The following TPO variants were observed in gnomAD, a reference collection of about 807,000 sequenced individuals.
TPO encodes thyroid microsomal antigen.
Under a neutral mutation model 96.9 loss-of-function variants are expected in TPO, and 78 were observed. The observed-to-expected ratio is 0.81, with a 90% CI of 0.67 to 0.97. The LOEUF (loss-of-function observed/expected upper bound fraction) is 0.97. TPO is among the 50% of genes least tolerant of loss of function. TPO has a pLI of 0.00. For synonymous variants in TPO, 547 were observed against 538.0 expected (o/e 1.02, Z -0.23); for missense variants, 1,252 against 1,274.8 (o/e 0.98, Z 0.27).
chr2:1,457,698 G>A (rs536801053), intron 7 of TPO, among the ~76,000 whole-genome samples: 12 of 151,916 alleles, frequency 7.9e-5, no homozygotes, highest in Non-Finnish European at 1.8e-4. Context: ...GGGCAGATGT[G>A]TACATAGCAT....
intron 1 of TPO, among the ~76,000 whole-genome samples, chr2:1,408,031 A>G (rs1662272325): frequency 6.6e-6 from 1 of 152,250 alleles, no homozygotes. Flanking sequence ...GAATGGAACC[A>G]GGGATTCTTC....
chr2:1,515,399 G>A (rs1030536856), intron 14 of TPO, among the ~76,000 whole-genome samples: 1 of 152,232 alleles, frequency 6.6e-6, no homozygotes, highest in African/African-American at 2.4e-5. Flanking sequence ...AAGGTGGCAG[G>A]AAGGAGATCC....
chr2:1,449,144 AT>A (rs1667100933), intron 5 of TPO, among the ~76,000 whole-genome samples: 1 of 152,176 alleles, frequency 6.6e-6, no homozygotes, highest in African/African-American at 2.4e-5. Flanking sequence ...CCATATGGGT[AT>A]TTAAGTTATT....
intron 14 of TPO, among the ~76,000 whole-genome samples, chr2:1,506,297 G>T (rs1254760998): frequency 1.3e-5 from 2 of 150,712 alleles, no homozygotes; most frequent in Non-Finnish European, 3.0e-5. Flanking sequence ...TGGACATTTG[G>T]GTTGGTTCCA....
At chr2:1,379,605 CTT>C (rs1314501569) in intron 1 of TPO, among the ~76,000 whole-genome samples, 31 of 152,294 alleles carry the variant, frequency 2.0e-4, no homozygotes, top group African/African-American at 7.0e-4. Context: ...CTCGGGCCTT[CTT>C]GTAAACCAGG....
chr2:1,440,661 C>T (rs62105619), intron 5 of TPO, among the ~76,000 whole-genome samples: 40,202 of 147,624 alleles, frequency 0.27, 5,726 homozygotes, highest in South Asian at 0.39. Context: ...GAGCAGGCTG[C>T]TTCTTGTTTA....
chr2:1,529,720 C>A (rs1351251097), intron 15 of TPO, among the ~76,000 whole-genome samples: 7 of 46,652 alleles, frequency 1.5e-4, no homozygotes, highest in African/African-American at 5.0e-4. Context: ...CTCCTCAAAT[C>A]CCCCCACTGT....
At chr2:1,419,546 C>T (rs531600285) in intron 2 of TPO, among the ~76,000 whole-genome samples, 1 of 152,312 alleles carries the variant, frequency 6.6e-6, no homozygotes, top group Non-Finnish European at 1.5e-5. Context: ...ACAGAAAGGA[C>T]AGAAATTCAT....
intron 7 of TPO, among the ~76,000 whole-genome samples, chr2:1,462,515 T>A (rs1414491451): frequency 7.5e-6 from 1 of 132,668 alleles, no homozygotes; most frequent in African/African-American, 3.4e-5. Context: ...TGTGTGTAGG[T>A]AAACACACAC....
intron 1 of TPO, among the ~76,000 whole-genome samples, chr2:1,391,821 G>A (rs1366177513): frequency 6.6e-6 from 1 of 152,162 alleles, no homozygotes; most frequent in African/African-American, 2.4e-5. Context: ...CTGTTTGTCT[G>A]TTGTTGGTGT....
intron 3 of TPO, among the ~76,000 whole-genome samples, chr2:1,427,816 T>G: frequency 6.6e-6 from 1 of 152,148 alleles, no homozygotes; most frequent in Non-Finnish European, 1.5e-5. Flanking sequence ...ATTTCCAATA[T>G]TCACAATTTG....
rs1412378107 is a variant in TPO at position 1,458,251 on chromosome 2, A to G, written c.819+1969A>G. On this transcript the variant is annotated intron_variant, in intron 7 of 16. Coordinates refer to ENST00000329066, the MANE Select transcript of TPO (RefSeq NM_001206744.2). ...TGGGCACATGTGTATATAGGATATA[A>G]GATAGTGTGTGGGCACGTGTGTATA... Among the ~76,000 whole-genome samples, 8 of 151,642 alleles carry G rather than the reference A, an allele frequency of 5.3e-5. 1 individual carries two copies. The highest frequency in any genetic ancestry group is 1.7e-4 in the African/African-American group (7 of 41,174).
At chr2:1,521,981 C>T (rs890383867) in intron 15 of TPO, among the ~76,000 whole-genome samples, 2 of 152,044 alleles carry the variant, frequency 1.3e-5, no homozygotes, top group African/African-American at 4.8e-5. Flanking sequence ...CAGCTCCCAG[C>T]CCCTCCCTCT....
chr2:1,520,658 C>T (rs1675164418), intron 15 of TPO, among the ~76,000 whole-genome samples: 1 of 152,228 alleles, frequency 6.6e-6, no homozygotes, highest in Admixed American at 6.5e-5. Context: ...CATCAACTTT[C>T]TTGACACTGC....
Position 1,542,468 on chromosome 2 carries a change from C to CCTCTGAG in TPO, c.2797_*1dup. The CCTCTGAG allele has an allele frequency of 6.2e-7, 1 of 1,614,158 alleles. No individual in the cohort carries two copies. The highest frequency in any genetic ancestry group is 8.5e-7 in the Non-Finnish European group (1 of 1,180,036). On this transcript the variant is annotated stop_gained and frameshift_variant, in exon 17 of 17. Transcript: ENST00000329066. LOFTEE classifies it high-confidence loss of function. ...GGGATACTCACAGGCTGCCGAGAGC[C>CCTCTGAG]CTCTGAGGGCAAAGTGGCAGGACAC...
chr2:1,537,581 C>T (rs1234039492), intron 15 of TPO, among the ~76,000 whole-genome samples: 8 of 103,990 alleles, frequency 7.7e-5, no homozygotes, highest in African/African-American at 2.3e-4. Context: ...GTTCAACACC[C>T]CCAAATCCCC....
At chr2:1,386,469 C>A (rs970004421) in intron 1 of TPO, among the ~76,000 whole-genome samples, 1 of 152,080 alleles carries the variant, frequency 6.6e-6, no homozygotes, top group African/African-American at 2.4e-5. Context: ...TATGTAATGG[C>A]CTTCTTTGTC....
Position 1,423,102 on chromosome 2 carries a change from ACACCGC to A in TPO, c.155_160del (p.Thr52_Ala53del), listed in dbSNP as rs1558265759. ...TTGGAGGAAAGCAAGCGCCTGGTGG[ACACCGC>A]CATGTACGCCACGATGCAGAGGTGA... On this transcript the variant is annotated inframe_deletion, in exon 3 of 17. Transcript: ENST00000329066. 1 of 1,614,088 alleles carries A rather than the reference ACACCGC, an allele frequency of 6.2e-7. No individual in the cohort carries two copies. Among genetic ancestry groups the A allele is most frequent in the South Asian group, 1.1e-5 (1 of 91,086 alleles).
chr2:1,507,572 T>A (rs1295998658), intron 14 of TPO, among the ~76,000 whole-genome samples: 3 of 152,194 alleles, frequency 2.0e-5, no homozygotes, highest in Admixed American at 6.5e-5. Flanking sequence ...AGCAGTGGTT[T>A]GTAGTTCTCC....
Sources: allele counts gnomAD v4.1 joint callset (sites outside exome capture counted in the v4.1 genomes callset), GRCh38; gene constraint gnomAD v4.1.1; transcripts MANE v1.5; gene names NCBI Gene and HGNC (gene_info 2026-07-23, HGNC 2026-07-21).